The following POLR1A variants were observed in gnomAD, a reference collection of about 807,000 sequenced individuals.
The protein encoded by POLR1A is DNA-directed RNA polymerase I subunit RPA1.
POLR1A carries 84 observed loss-of-function variants against 205.3 expected under a neutral mutation model. The observed-to-expected ratio is 0.41, with a 90% CI of 0.34 to 0.49. POLR1A has a LOEUF of 0.49. Ranked by LOEUF, POLR1A falls within the 20% of genes least tolerant of loss-of-function variation. The pLI is 0.22. For missense variants in POLR1A, 1,645 were observed against 2,204.5 expected (o/e 0.75, Z 5.08); for synonymous variants, 799 against 863.7 (o/e 0.93, Z 1.31).
At chr2:86,060,319 A>C (rs1230898936) in intron 14 of POLR1A, among the ~76,000 whole-genome samples, 1 of 152,264 alleles carries the variant, frequency 6.6e-6, no homozygotes, top group Non-Finnish European at 1.5e-5. Flanking sequence ...AGCTGACTTT[A>C]AAATTTATAT....
At chr2:86,054,962 C>T (rs940639274) in intron 14 of POLR1A, among the ~76,000 whole-genome samples, 25 of 152,186 alleles carry the variant, frequency 1.6e-4, no homozygotes, top group African/African-American at 5.8e-4. Flanking sequence ...CCATCAACAG[C>T]GCTTAGTGTG....
chr2:86,088,141 T>G (rs1019096834), intron 6 of POLR1A, among the ~76,000 whole-genome samples: 3 of 152,012 alleles, frequency 2.0e-5, no homozygotes, highest in African/African-American at 7.2e-5. Flanking sequence ...CAGCCAGGAG[T>G]AGCCTGCAGG....
intron 25 of POLR1A, 100 bp downstream of exon 25, chr2:86,040,292 C>T: frequency 3.2e-6 from 3 of 936,736 alleles, no homozygotes; most frequent in Non-Finnish European, 4.5e-6. Flanking sequence ...CAGACACACT[C>T]TCTCATTCAC....
chr2:86,023,872 C>G lies in POLR1A; in HGVS notation c.*3551G>C, dbSNP rs1690206393. The G allele has an allele frequency of 6.6e-6, 1 of 151,918 alleles. No homozygotes were observed. Among genetic ancestry groups the G allele is most frequent in the Non-Finnish European group, 1.5e-5 (1 of 68,004 alleles). 9.4% of individuals were successfully genotyped at this position (151,918 alleles called of 1,614,324 possible). ...GTTCAAGATTCTCCTGCCTCAGCCT[C>G]CCGAGTAGCTGGGATTATAGGCGCG... On this transcript the variant is annotated 3_prime_UTR_variant, in exon 34 of 34. Coordinates refer to ENST00000263857, the MANE Select transcript of POLR1A (RefSeq NM_015425.6).
intron 8 of POLR1A, 74 bp from the exon 9 acceptor site, chr2:86,081,052 G>T: frequency 7.3e-7 from 1 of 1,373,310 alleles, no homozygotes; most frequent in Non-Finnish European, 1.0e-6. Context: ...TCTCACCCAT[G>T]CCTACTGTAG....
Position 86,105,746 on chromosome 2 carries a change from G to A in POLR1A, c.31C>T (p.Arg11Trp). The A allele has an allele frequency of 6.2e-7, 1 of 1,614,062 alleles. No homozygotes were observed. The highest frequency in any genetic ancestry group is 8.5e-7 in the Non-Finnish European group (1 of 1,179,924). Reference protein sequence around the residue: MLISKNMPWRRLQGISFGMYS... With the variant: MLISKNMPWRWLQGISFGMYS... ...ATCCCGAAGGAAATGCCCTGCAGCC[G>A]CCGCCAGGGCATGTTCTTGGAGATC... Residue 11 changes from arginine (R) to tryptophan (W), a missense_variant, in exon 1 of 34, where the codon CGG becomes TGG. Transcript: ENST00000263857.
chr2:86,063,335 CAAAAAAAAAAA>C (rs34298205), intron 14 of POLR1A, among the ~76,000 whole-genome samples: 5 of 41,246 alleles, frequency 1.2e-4, no homozygotes, highest in Non-Finnish European at 1.7e-4. Context: ...AACTCCATCT[CAAAAAAAAAAA>C]AAAAAAAAAA....
chr2:86,096,102 T>C (rs985527430), intron 3 of POLR1A, among the ~76,000 whole-genome samples: 4 of 151,890 alleles, frequency 2.6e-5, no homozygotes, highest in Admixed American at 6.6e-5. Flanking sequence ...CTCAGTAAAG[T>C]TGCAGGATAA....
At chr2:86,088,157 C>T (rs901374828) in intron 6 of POLR1A, among the ~76,000 whole-genome samples, 7 of 152,110 alleles carry the variant, frequency 4.6e-5, no homozygotes, top group African/African-American at 1.7e-4. Context: ...GCAGGAGGCG[C>T]TCATGTTTTG....
chr2:86,091,309 T>C (rs1218176132), intron 3 of POLR1A, among the ~76,000 whole-genome samples: 8 of 152,210 alleles, frequency 5.3e-5, no homozygotes, highest in Non-Finnish European at 4.4e-5. Context: ...AAACTAGAGA[T>C]AGCATCTTGT....
Position 86,048,995 on chromosome 2 carries a change from CTCA to C in POLR1A, c.2520_2522del (p.Asp840del). On this transcript the variant is annotated inframe_deletion, in exon 18 of 34. Coordinates refer to ENST00000263857, the MANE Select transcript of POLR1A (RefSeq NM_015425.6). Reference sequence around the variant, plus strand: ...GGGCATCCTGCCATTTTCCTCGGACCTCATCATATGATGCGGCTTCTGGCAGGT... The same window carrying C: ...GGGCATCCTGCCATTTTCCTCGGACCTCATATGATGCGGCTTCTGGCAGGT... 6.2e-7 allele frequency: 1 copy of C among 1,614,216 alleles called. No homozygotes were observed. Among genetic ancestry groups the C allele is most frequent in the African/African-American group, 1.3e-5 (1 of 75,078 alleles).
At position 86,089,931 on chromosome 2, in the gene POLR1A, TG is replaced by T. The variant is rs780166339; in HGVS notation, c.433-3del. The T allele has an allele frequency of 1.2e-5, 18 of 1,511,394 alleles. No homozygotes were observed. The East Asian group carries it at 1.6e-4, about 13-fold the overall frequency. 93.6% of individuals were successfully genotyped at this position (1,511,394 alleles called of 1,614,324 possible). On this transcript the variant is annotated splice_region_variant and splice_polypyrimidine_tract_variant and intron_variant, in intron 3 of 33. Transcript: ENST00000263857. The stretch of plus-strand genomic sequence containing the variant: ...GGGATCGGGATTTTCTTCCAGAAAC[TG>T]GAAAACAAAGAGGAAAACTCCATTA...
chr2:86,100,142 A>G lies in POLR1A; in HGVS notation c.108T>C (p.Pro36=), dbSNP rs965204684. ...GGTTCCCCAGGCTGTCCAGGTATCGAGGGTTCGTAATGGATTTAACACTTA... is the reference window on the plus strand; with the variant it reads ...GGTTCCCCAGGCTGTCCAGGTATCGGGGGTTCGTAATGGATTTAACACTTA... The part of the protein sequence containing the change: ...KKLSVKSITN[P]RYLDSLGNPS... Residue 36 remains proline (P), a synonymous_variant, in exon 2 of 34, where the codon CCT becomes CCC. Coordinates refer to ENST00000263857, the MANE Select transcript of POLR1A (RefSeq NM_015425.6). The G allele has an allele frequency of 1.2e-6, 2 of 1,614,118 alleles. No homozygotes were observed. Among genetic ancestry groups the G allele is most frequent in the Non-Finnish European group, 1.7e-6 (2 of 1,179,978 alleles).
chr2:86,030,396 C>G lies in POLR1A; in HGVS notation c.4579G>C (p.Val1527Leu), dbSNP rs763810539. ...YDTEESLWCQ[V>L]TVKLPLMKIN... ...TTCATCAGAGGGAGCTTCACTGTCA[C>G]CTGCAAAAGGAGGGAGAGCTGGGTA... The change falls in exon 31 of 34, where the codon GTG becomes CTG. Residue 1527 changes from valine (V) to leucine (L), a missense_variant and splice_region_variant. By Grantham distance (32) the Val-to-Leu change is conservative. Around this residue, in one of 16 missense-constraint regions of POLR1A, gnomAD observed 394 missense variants for 468.5 expected, o/e 0.84. Transcript: ENST00000263857. The G allele has an allele frequency of 7.4e-6, 12 of 1,611,592 alleles. No homozygotes were observed. The African/African-American group carries it at 1.2e-4, about 16-fold the overall frequency.
Position 86,041,245 on chromosome 2 carries a change from CTGTGTG to C in POLR1A, c.3572+638_3572+643del, listed in dbSNP as rs9309630. Among the ~76,000 whole-genome samples, 904 of 123,604 alleles carry C rather than the reference CTGTGTG, an allele frequency of 7.3e-3. 16 individuals carry two copies. Among genetic ancestry groups the C allele is most frequent in the African/African-American group, 0.023 (823 of 35,674 alleles). The allele number at this position is 123,604 out of a possible 152,430, so 81.1% of individuals were successfully genotyped here. A position where few individuals can be genotyped will look rare whatever the true frequency, so the allele number is the denominator to read the frequency against. ...GTGTGTGTGTGCTGAGCTACAGTGTCTGTGTGTGTGTGTGTGTGTGTGCTGATCTAC... is the reference window on the plus strand; with the variant it reads ...GTGTGTGTGTGCTGAGCTACAGTGTCTGTGTGTGTGTGTGTGCTGATCTAC... On this transcript the variant is annotated intron_variant, in intron 24 of 33. Coordinates refer to ENST00000263857, the MANE Select transcript of POLR1A (RefSeq NM_015425.6).
At chr2:86,039,064 C>G (rs866846802) in intron 26 of POLR1A, 8 of 643,940 alleles carry the variant, frequency 1.2e-5, no homozygotes, top group Middle Eastern at 4.2e-4. Flanking sequence ...CCTGAACCTC[C>G]TAGGAGTGGC....
At chr2:86,045,513 A>G in intron 20 of POLR1A, 104 bp downstream of exon 20, 1 of 1,337,038 alleles carries the variant, frequency 7.5e-7, no homozygotes, top group Admixed American at 1.8e-5. Context: ...CAGCTACAAT[A>G]GCCCCCAGTG....
At position 86,020,907 on chromosome 2, in the gene POLR1A, A is replaced by C. The variant is rs1246619636; in HGVS notation, c.*6516T>G. 12 of 152,124 alleles carry C rather than the reference A, an allele frequency of 7.9e-5. No individual in the cohort carries two copies. Among genetic ancestry groups the C allele is most frequent in the Admixed American group, 7.8e-4 (12 of 15,290 alleles). 9.4% of individuals were successfully genotyped at this position (152,124 alleles called of 1,614,324 possible). On this transcript the variant is annotated 3_prime_UTR_variant, in exon 34 of 34. Coordinates refer to ENST00000263857, the MANE Select transcript of POLR1A (RefSeq NM_015425.6). ...AAACATGTATAGTTGTGTGCAATTTAATGAACACAATTAATTTTACCACCA... is the reference window on the plus strand; with the variant it reads ...AAACATGTATAGTTGTGTGCAATTTCATGAACACAATTAATTTTACCACCA...
chr2:86,073,432 T>C (rs1461461143), intron 12 of POLR1A, among the ~76,000 whole-genome samples: 7 of 152,110 alleles, frequency 4.6e-5, no homozygotes, highest in African/African-American at 1.7e-4. Flanking sequence ...CCCAGAGGAA[T>C]GAGGGCTTGC....
Sources: gnomAD v4.1 joint callset for allele counts (sites outside exome capture counted in the v4.1 genomes callset) on GRCh38, gnomAD v4.1.1 for gene constraint, gnomAD v4.1.1 regional missense constraint, MANE v1.5 for transcripts, NCBI Gene and HGNC (gene_info 2026-07-23, HGNC 2026-07-21) for gene names.